Variants in ANK1 observed in about 807,000 individuals in gnomAD.
ANK1 encodes the protein ankyrin 1.
ANK1 carries 51 observed loss-of-function variants against 210.4 expected under a neutral mutation model. That is an observed-to-expected ratio of 0.24 (90% CI 0.19 to 0.31). ANK1 has a LOEUF of 0.31. Among genes scored for constraint, ANK1 ranks in the 10% least tolerant of loss-of-function variants. ANK1 has a pLI of 1.00. For synonymous variants in ANK1, 967 were observed against 1,025.9 expected, an observed-to-expected ratio of 0.94 and a Z score of 1.10; for missense variants, 2,051 against 2,504.4, an observed-to-expected ratio of 0.82 and a Z score of 3.86.
chr8:41,842,455 T>G (rs1295396351), intron 1 of ANK1, among the ~76,000 whole-genome samples: 1 of 151,688 alleles, frequency 6.6e-6, no homozygotes, highest in African/African-American at 2.4e-5. Flanking sequence ...ATCACGCCAC[T>G]GCCCTCCAGC....
chr8:41,751,713 C>T (rs950544247), intron 2 of ANK1, among the ~76,000 whole-genome samples: 2 of 152,124 alleles, frequency 1.3e-5, no homozygotes, highest in African/African-American at 4.8e-5. Flanking sequence ...CCCGGGGTCC[C>T]ACCTGGCCCC....
chr8:41,861,338 G>A (rs545738971), intron 1 of ANK1, among the ~76,000 whole-genome samples: 1 of 152,294 alleles, frequency 6.6e-6, no homozygotes, highest in African/African-American at 2.4e-5. Flanking sequence ...TATGCTCCAT[G>A]ACGAAAGGGT....
At chr8:41,744,634 T>G (rs1008706705) in intron 2 of ANK1, among the ~76,000 whole-genome samples, 1 of 151,524 alleles carries the variant, frequency 6.6e-6, no homozygotes, top group Non-Finnish European at 1.5e-5. Context: ...CCTCCCGGGT[T>G]CACACCATTC....
rs750842656 is a variant in ANK1, at chr8:41,729,564, A to C, written c.229-1558T>G. Reference sequence around the variant, plus strand: ...TGCCACCGTGCCCAGCCAATTTTTAAATTTTTTTGTAGAGATGGGCTCTCA... The same window carrying C: ...TGCCACCGTGCCCAGCCAATTTTTACATTTTTTTGTAGAGATGGGCTCTCA... On this transcript the variant is annotated intron_variant, in intron 3 of 42. Coordinates refer to ENST00000289734, the MANE Select transcript of ANK1 (RefSeq NM_000037.4). Among the ~76,000 whole-genome samples, 123 of 151,940 alleles carry C rather than the reference A, an allele frequency of 8.1e-4. 1 individual carries two copies. The highest frequency in any genetic ancestry group is 9.0e-4 in the Non-Finnish European group (61 of 67,994).
intron 12 of ANK1, among the ~76,000 whole-genome samples, 175 bp from the exon 13 acceptor site, chr8:41,717,226 T>G (rs1217356549): frequency 2.0e-5 from 3 of 152,206 alleles, no homozygotes; most frequent in African/African-American, 7.2e-5. Context: ...TGAGCATGTA[T>G]GTGTGTATGT....
chr8:41,757,444 C>T (rs1459516212), intron 2 of ANK1, among the ~76,000 whole-genome samples: 3 of 152,148 alleles, frequency 2.0e-5, no homozygotes, highest in Non-Finnish European at 2.9e-5. Context: ...GCTCCAAGCC[C>T]GAGTCTCTGC....
intron 2 of ANK1, among the ~76,000 whole-genome samples, chr8:41,736,865 A>C (rs941356085): frequency 6.6e-6 from 1 of 152,222 alleles, no homozygotes; most frequent in Admixed American, 6.5e-5. Context: ...CCACCCTTTC[A>C]TCTGCAGCTG....
chr8:41,760,947 A>G (rs1840252280), intron 1 of ANK1, among the ~76,000 whole-genome samples: 2 of 151,536 alleles, frequency 1.3e-5, no homozygotes, highest in African/African-American at 4.8e-5. Context: ...CCCCCAAAAG[A>G]TATGTCCACA....
At chr8:41,887,651 T>C (rs1818693500) in intron 1 of ANK1, among the ~76,000 whole-genome samples, 1 of 152,202 alleles carries the variant, frequency 6.6e-6, no homozygotes, top group African/African-American at 2.4e-5. Context: ...ACTGCTCACA[T>C]AGTGTGTATT....
intron 9 of ANK1, among the ~76,000 whole-genome samples, chr8:41,720,301 A>G (rs898834989): frequency 6.6e-6 from 1 of 152,188 alleles, no homozygotes; most frequent in African/African-American, 2.4e-5. Context: ...ACATGCATGT[A>G]ACACACATCA....
chr8:41,792,957 A>G (rs561580582), intron 1 of ANK1, among the ~76,000 whole-genome samples: 25 of 152,366 alleles, frequency 1.6e-4, no homozygotes, highest in African/African-American at 5.5e-4. Context: ...AGGACACAGC[A>G]GTGAACAAGG....
At position 41,655,637 on chromosome 8, in the gene ANK1, T is replaced by C; in HGVS notation, c.*153A>G. 6.7e-7 allele frequency: 1 copy of C among 1,499,534 alleles called. No individual in the cohort carries two copies. The highest frequency in any genetic ancestry group is 9.3e-7 in the Non-Finnish European group (1 of 1,079,028). 92.9% of individuals were successfully genotyped at this position (1,499,534 alleles called of 1,614,324 possible). A position where few individuals can be genotyped will look rare whatever the true frequency, so the allele number is the denominator to read the frequency against. The stretch of plus-strand genomic sequence containing the variant: ...GACTAGCAGGAGTCCCTTACAGAGG[T>C]CATGCCGTCAGCCCAGAGGAATGTG... On this transcript the variant is annotated 3_prime_UTR_variant, in exon 43 of 43. Transcript: ENST00000289734.
At chr8:41,731,841 C>A (rs1330533188) in intron 3 of ANK1, among the ~76,000 whole-genome samples, 3 of 152,238 alleles carry the variant, frequency 2.0e-5, no homozygotes, top group African/African-American at 4.8e-5. Context: ...CTTGAAGGCA[C>A]GCCAGGGCAG....
chr8:41,778,635 C>T (rs142719714), intron 1 of ANK1, among the ~76,000 whole-genome samples: 3 of 152,248 alleles, frequency 2.0e-5, no homozygotes, highest in African/African-American at 7.2e-5. Context: ...AACATAAATA[C>T]GTCTATTGTA....
intron 1 of ANK1, among the ~76,000 whole-genome samples, chr8:41,803,090 A>AAGGAAGGGAAGGGAAGGG (rs777806034): frequency 2.1e-3 from 53 of 24,924 alleles, no homozygotes; most frequent in South Asian, 5.9e-3. Flanking sequence ...GAAGGGAAGG[A>AAGGAAGGGAAGGGAAGGG]AAGGAAAGGA....
intron 1 of ANK1, among the ~76,000 whole-genome samples, chr8:41,880,252 T>A (rs892709399): frequency 1.3e-5 from 2 of 152,186 alleles, no homozygotes; most frequent in African/African-American, 4.8e-5. Context: ...GCTTTCACGC[T>A]CCGCCGGCGG....
At chr8:41,774,071 T>C (rs564621901) in intron 1 of ANK1, among the ~76,000 whole-genome samples, 1 of 152,278 alleles carries the variant, frequency 6.6e-6, no homozygotes, top group South Asian at 2.1e-4. Flanking sequence ...TGCCTTGAGA[T>C]TAAGCAAATG....
In ANK1 at chr8:41,688,585, C is replaced by T; in HGVS notation, c.4109G>A (p.Ser1370Asn). 6.2e-7 allele frequency: 1 copy of T among 1,614,164 alleles called. No homozygotes were observed. Among genetic ancestry groups the T allele is most frequent in the Non-Finnish European group, 8.5e-7 (1 of 1,179,986 alleles). Residue 1370 changes from serine (S) to asparagine (N), a missense_variant, in exon 34 of 43, where the codon AGT (serine) becomes AAT (asparagine). Ser to Asn is a conservative substitution (Grantham distance 46, BLOSUM62 1). Coordinates refer to ENST00000289734, the MANE Select transcript of ANK1 (RefSeq NM_000037.4). ...NITMPPCAKG[S>N]GAEDRRRTPT... is the part of the protein sequence containing the mutation. ...GGTCCTTCTCCTATCTTCGGCTCCA[C>T]TTCCCTGCAGAAGAAGAAAGGGTGC...
chr8:41,877,798 A>G (rs1032102091), intron 1 of ANK1, among the ~76,000 whole-genome samples: 2 of 152,210 alleles, frequency 1.3e-5, no homozygotes, highest in Non-Finnish European at 2.9e-5. Flanking sequence ...AGGACAACAA[A>G]AAGGAGTAGA....
Sources: gnomAD v4.1 joint callset for allele counts (sites outside exome capture counted in the v4.1 genomes callset) on GRCh38, gnomAD v4.1.1 for gene constraint, MANE v1.5 for transcripts, NCBI Gene and HGNC (gene_info 2026-07-23, HGNC 2026-07-21) for gene names.